Variants in COP1 observed in about 807,000 individuals in gnomAD.
The protein encoded by COP1 is COP1 E3 ubiquitin ligase, also known as E3 ubiquitin-protein ligase COP1.
A neutral mutation model predicts 101.3 loss-of-function variants in COP1; 24 were observed. That is an observed-to-expected ratio of 0.24 (90% CI 0.17 to 0.33). The LOEUF (loss-of-function observed/expected upper bound fraction) is 0.33, where lower values mean the gene tolerates loss of function less well. Ranked by LOEUF, COP1 falls within the 10% of genes least tolerant of loss-of-function variation. The pLI, the probability that COP1 is intolerant of heterozygous loss-of-function variation, is 1.00. For missense variants in COP1, 663 were observed against 906.2 expected (o/e 0.73, Z 3.45); for synonymous variants, 347 against 341.9 (o/e 1.01, Z -0.17).
At chr1:176,117,505 T>C (rs2481628) in intron 8 of COP1, among the ~76,000 whole-genome samples, 41,291 of 152,120 alleles carry the variant, frequency 0.27, 6,722 homozygotes, top group East Asian at 0.52. Flanking sequence ...AAGCCTTACA[T>C]AAAAAACTAT....
chr1:175,962,371 C>T (rs1651479977), intron 18 of COP1, among the ~76,000 whole-genome samples: 1 of 152,114 alleles, frequency 6.6e-6, no homozygotes, highest in African/African-American at 2.4e-5. Context: ...TCTGCACAAA[C>T]CTCACTAACT....
At chr1:175,967,517 AAACAAACCC>A (rs1652270314) in intron 18 of COP1, among the ~76,000 whole-genome samples, 1 of 106,674 alleles carries the variant, frequency 9.4e-6, no homozygotes, top group African/African-American at 3.0e-5. Context: ...ACAAACAAAC[AAACAAACCC>A]AGCTGTGGCT....
At chr1:176,119,941 C>T (rs966909093) in intron 8 of COP1, among the ~76,000 whole-genome samples, 68 of 152,056 alleles carry the variant, frequency 4.5e-4, no homozygotes, top group African/African-American at 1.6e-3. Flanking sequence ...TGGGAAATAG[C>T]AGAGTTATTA....
chr1:176,146,002 A>G (rs1691535854), intron 6 of COP1, among the ~76,000 whole-genome samples: 1 of 152,214 alleles, frequency 6.6e-6, no homozygotes, highest in Non-Finnish European at 1.5e-5. Flanking sequence ...AATTTGGTTT[A>G]TATACTTTTT....
chr1:176,130,287 A>G (rs1688678974), intron 8 of COP1, among the ~76,000 whole-genome samples: 7 of 151,788 alleles, frequency 4.6e-5, no homozygotes, highest in Admixed American at 4.6e-4. Context: ...ATATCCTCAT[A>G]ATCACCCTCC....
chr1:176,011,696 A>G (rs1664703549), intron 15 of COP1, among the ~76,000 whole-genome samples: 1 of 152,196 alleles, frequency 6.6e-6, no homozygotes, highest in Admixed American at 6.5e-5. Context: ...ATTTATTATA[A>G]TGCACTTATA....
chr1:175,978,878 A>G (rs1166161956), intron 18 of COP1, among the ~76,000 whole-genome samples: 1 of 152,156 alleles, frequency 6.6e-6, no homozygotes, highest in African/African-American at 2.4e-5. Context: ...ATAAGTGTGG[A>G]AAGTTAGTAT....
chr1:176,093,273 T>A (rs1193510309), intron 9 of COP1, among the ~76,000 whole-genome samples: 1 of 152,192 alleles, frequency 6.6e-6, no homozygotes, highest in South Asian at 2.1e-4. Context: ...TATTATTAAA[T>A]AACTAACACA....
chr1:176,049,891 A>C (rs79580490), intron 11 of COP1, among the ~76,000 whole-genome samples: 25 of 152,334 alleles, frequency 1.6e-4, no homozygotes, highest in African/African-American at 5.5e-4. Flanking sequence ...TTAAACAGTG[A>C]CTAGTTAGGC....
intron 16 of COP1, chr1:175,988,685 T>A (rs1657705429): frequency 4.0e-6 from 1 of 248,588 alleles, no homozygotes; most frequent in African/African-American, 2.2e-5. Context: ...ATACAAAAAT[T>A]AGTCGGGCGT....
Position 176,081,101 on chromosome 1 carries a change from T to TA in COP1, c.1277+50dup, listed in dbSNP as rs541395585. On this transcript the variant is annotated intron_variant, in intron 11 of 19. Coordinates refer to ENST00000367669, the MANE Select transcript of COP1 (RefSeq NM_022457.7). ...GGTATAAGTGCTTCTCAAATTCAAT[T>TA]AGATTCTAGACATTCTTACAAAAGA... 148 of 1,455,554 alleles carry TA rather than the reference T, an allele frequency of 1.0e-4. No individual in the cohort carries two copies. The East Asian group carries it at 2.7e-3, about 26-fold the overall frequency. 90.2% of individuals were successfully genotyped at this position (1,455,554 alleles called of 1,614,324 possible). A position where few individuals can be genotyped will look rare whatever the true frequency, so the allele number is the denominator to read the frequency against.
chr1:176,056,511 C>A (rs562350779), intron 11 of COP1, among the ~76,000 whole-genome samples: 4 of 150,416 alleles, frequency 2.7e-5, no homozygotes, highest in African/African-American at 9.7e-5. Flanking sequence ...TATAATGGGG[C>A]GTGTGTGTGT....
At chr1:176,065,155 CCTTA>C (rs1675690661) in intron 11 of COP1, among the ~76,000 whole-genome samples, 2 of 152,122 alleles carry the variant, frequency 1.3e-5, no homozygotes, top group South Asian at 4.2e-4. Context: ...TTTATGTAAG[CCTTA>C]CTTACTGTGT....
intron 18 of COP1, among the ~76,000 whole-genome samples, chr1:175,963,891 C>T (rs1651684098): frequency 6.6e-6 from 1 of 152,102 alleles, no homozygotes; most frequent in Non-Finnish European, 1.5e-5. Flanking sequence ...TTGTAAATCA[C>T]TTAAATGCAG....
At chr1:176,200,577 A>T (rs1700166537) in intron 1 of COP1, among the ~76,000 whole-genome samples, 1 of 152,206 alleles carries the variant, frequency 6.6e-6, no homozygotes, top group Admixed American at 6.5e-5. Context: ...AAATACAATA[A>T]ACAGAAATCA....
chr1:176,184,846 T>G (rs1698250810), intron 1 of COP1, among the ~76,000 whole-genome samples, 154 bp from the exon 2 acceptor site: 1 of 152,164 alleles, frequency 6.6e-6, no homozygotes. Flanking sequence ...AAATTTCTAT[T>G]GAACTAAACT....
At chr1:176,203,170 T>C (rs1022587180) in intron 1 of COP1, among the ~76,000 whole-genome samples, 16 of 152,042 alleles carry the variant, frequency 1.1e-4, no homozygotes, top group African/African-American at 3.9e-4. Flanking sequence ...ACCCCGCCTC[T>C]ACTAAAAATA....
At position 176,184,694 on chromosome 1, in the gene COP1, TA is replaced by T. The variant is rs760923753; in HGVS notation, c.408-3del. The stretch of plus-strand genomic sequence containing the variant: ...TCAATCATATCAAAGCAGATGGGGC[TA>T]AAAAGAAAAGAAAAATAATTGATTT... On this transcript the variant is annotated splice_polypyrimidine_tract_variant and splice_region_variant and intron_variant, in intron 1 of 19. Transcript: ENST00000367669. The T allele has an allele frequency of 1.3e-6, 2 of 1,599,162 alleles. No homozygotes were observed. The highest frequency in any genetic ancestry group is 1.7e-6 in the Non-Finnish European group (2 of 1,172,846).
At chr1:176,145,305 A>G (rs923512408) in intron 6 of COP1, among the ~76,000 whole-genome samples, 9 of 152,196 alleles carry the variant, frequency 5.9e-5, no homozygotes, top group African/African-American at 1.9e-4. Context: ...AACAGTGTAT[A>G]TACCCCAAGA....
Sources: gnomAD v4.1 joint callset for allele counts (sites outside exome capture counted in the v4.1 genomes callset) on GRCh38, gnomAD v4.1.1 for gene constraint, MANE v1.5 for transcripts, NCBI Gene and HGNC (gene_info 2026-07-23, HGNC 2026-07-21) for gene names.